The following SHISA9 variants were observed in gnomAD, a reference collection of about 807,000 sequenced individuals.
SHISA9 encodes the protein shisa family member 9.
SHISA9 carries 13 observed loss-of-function variants against 38.0 expected under a neutral mutation model. That is an observed-to-expected ratio of 0.34 (90% CI 0.22 to 0.54). SHISA9 has a LOEUF of 0.54. SHISA9 is among the 20% of genes least tolerant of loss of function. The pLI is 0.91. For missense variants in SHISA9, 538 were observed against 575.8 expected, an observed-to-expected ratio of 0.93 and a Z score of 0.67; for synonymous variants, 275 against 242.0, an observed-to-expected ratio of 1.14 and a Z score of -1.27.
chr16:13,008,840 A>T (rs2072634502), intron 2 of SHISA9, among the ~76,000 whole-genome samples: 1 of 152,090 alleles, frequency 6.6e-6, no homozygotes, highest in African/African-American at 2.4e-5. Flanking sequence ...GTATGTCTTT[A>T]GAGCAATGTG....
chr16:12,931,484 TA>T (rs2071461150), intron 2 of SHISA9, among the ~76,000 whole-genome samples: 1 of 152,208 alleles, frequency 6.6e-6, no homozygotes, highest in South Asian at 2.1e-4. Context: ...TTCCCATCTT[TA>T]TGTCCATGTC....
At chr16:13,213,156 C>A in intron 3 of SHISA9, 97 bp from the exon 4 acceptor site, 3 of 1,062,964 alleles carry the variant, frequency 2.8e-6, no homozygotes, top group Admixed American at 2.1e-5. Context: ...TTGGAGGCTG[C>A]AGCAGGGGCA....
chr16:13,560,433 A>T, the SHISA9 span, among the ~76,000 whole-genome samples: 1 of 152,198 alleles, frequency 6.6e-6, no homozygotes, highest in African/African-American at 2.4e-5. Context: ...AGAATTTTCT[A>T]TCGAAATTCA....
chr16:12,929,927 T>C (rs1257278580), intron 2 of SHISA9, among the ~76,000 whole-genome samples: 1 of 152,194 alleles, frequency 6.6e-6, no homozygotes, highest in African/African-American at 2.4e-5. Flanking sequence ...TCCTTCTCAT[T>C]GTTTAGGTCT....
rs537834737 is a variant in SHISA9, at chr16:13,193,080, G to A, written c.692-10314G>A. Among the ~76,000 whole-genome samples, 5 of 152,342 alleles carry A rather than the reference G, an allele frequency of 3.3e-5. No individual in the cohort carries two copies. In the South Asian group the frequency reaches 8.3e-4, roughly 25 times the overall value. ...TTATTCAAGACAGAAGGAAGTTTCTGTCCACAGAGGTGGTTCAATGCGTGG... is the reference window on the plus strand; with the variant it reads ...TTATTCAAGACAGAAGGAAGTTTCTATCCACAGAGGTGGTTCAATGCGTGG... On this transcript the variant is annotated intron_variant, in intron 2 of 4. Coordinates refer to ENST00000558583, the MANE Select transcript of SHISA9 (RefSeq NM_001145204.3).
chr16:13,026,846 A>G (rs1259198670), intron 2 of SHISA9, among the ~76,000 whole-genome samples: 1 of 152,174 alleles, frequency 6.6e-6, no homozygotes, highest in Admixed American at 6.5e-5. Context: ...GCTTAGTATT[A>G]TTTCCATTTT....
At chr16:13,526,208 G>T in the SHISA9 span, among the ~76,000 whole-genome samples, 2 of 152,096 alleles carry the variant, frequency 1.3e-5, no homozygotes, top group East Asian at 3.9e-4. Flanking sequence ...TATCAAAACG[G>T]GTCTTCATTC....
the SHISA9 span, among the ~76,000 whole-genome samples, chr16:13,299,449 C>T: frequency 6.1e-4 from 93 of 152,282 alleles, 1 homozygote; most frequent in Admixed American, 5.2e-3. Context: ...CCCGGTGGCT[C>T]ATACCTGTAA....
At chr16:13,007,931 G>T (rs80208239) in intron 2 of SHISA9, among the ~76,000 whole-genome samples, 3,624 of 152,200 alleles carry the variant, frequency 0.024, 61 homozygotes, top group Middle Eastern at 0.044. Flanking sequence ...ACTTGTAGGT[G>T]ACTGTAGCAG....
chr16:13,240,826 T>G (rs2051429631), downstream of SHISA9, among the ~76,000 whole-genome samples: 1 of 152,114 alleles, frequency 6.6e-6, no homozygotes, highest in Non-Finnish European at 1.5e-5. Context: ...AAATTTTATT[T>G]CCTGTCTGGC....
chr16:13,537,011 A>C, the SHISA9 span, among the ~76,000 whole-genome samples: 1 of 152,198 alleles, frequency 6.6e-6, no homozygotes, highest in Admixed American at 6.5e-5. Context: ...GTCAAGCTTA[A>C]CATGTTTCAT....
At chr16:13,042,413 T>C (rs1366722715) in intron 2 of SHISA9, among the ~76,000 whole-genome samples, 2 of 152,186 alleles carry the variant, frequency 1.3e-5, no homozygotes, top group African/African-American at 4.8e-5. Flanking sequence ...TAGCATTGGA[T>C]GGGACAAAAT....
At chr16:13,279,842 T>C in the SHISA9 span, among the ~76,000 whole-genome samples, 4 of 151,968 alleles carry the variant, frequency 2.6e-5, no homozygotes, top group African/African-American at 9.7e-5. Context: ...TTATCTGTTT[T>C]AGTATTATGT....
chr16:13,311,833 A>T, the SHISA9 span, among the ~76,000 whole-genome samples: 1 of 152,194 alleles, frequency 6.6e-6, no homozygotes, highest in African/African-American at 2.4e-5. Flanking sequence ...GTGCAAGTCA[A>T]CTTCCTTATA....
intron 2 of SHISA9, among the ~76,000 whole-genome samples, chr16:13,035,988 A>G (rs1220496009): frequency 6.6e-6 from 1 of 152,240 alleles, no homozygotes; most frequent in African/African-American, 2.4e-5. Flanking sequence ...AATGAAAAAG[A>G]TTGATGATAT....
the SHISA9 span, among the ~76,000 whole-genome samples, chr16:13,333,703 A>G: frequency 1.3e-5 from 2 of 152,234 alleles, no homozygotes; most frequent in African/African-American, 2.4e-5. Flanking sequence ...ACCATTAGAA[A>G]TAAAAGGAAA....
chr16:13,327,552 G>T, the SHISA9 span, among the ~76,000 whole-genome samples: 2 of 151,916 alleles, frequency 1.3e-5, no homozygotes, highest in African/African-American at 4.8e-5. Context: ...GGAGGCAGAG[G>T]TTGCAGTGAG....
chr16:13,022,148 C>T (rs985868319), intron 2 of SHISA9, among the ~76,000 whole-genome samples: 1 of 152,038 alleles, frequency 6.6e-6, no homozygotes, highest in African/African-American at 2.4e-5. Context: ...AAATCTCCCC[C>T]TGCCTTACTT....
At chr16:13,040,865 G>A (rs2073124757) in intron 2 of SHISA9, among the ~76,000 whole-genome samples, 1 of 152,104 alleles carries the variant, frequency 6.6e-6, no homozygotes, top group African/African-American at 2.4e-5. Flanking sequence ...TTGCCCTGTT[G>A]AGCTTTGCAA....
Sources: allele counts gnomAD v4.1 joint callset (sites outside exome capture counted in the v4.1 genomes callset), GRCh38; gene constraint gnomAD v4.1.1; transcripts MANE v1.5; gene names NCBI Gene and HGNC (gene_info 2026-07-23, HGNC 2026-07-21).